Variants in DAGLB observed in about 807,000 individuals in gnomAD.
The protein encoded by DAGLB is diacylglycerol lipase-beta.
In DAGLB, 66 loss-of-function variants were observed where a neutral mutation model predicts 72.1. The ratio of observed to expected loss-of-function variants is 0.92; its 90% CI spans 0.75 to 1.12. The LOEUF (loss-of-function observed/expected upper bound fraction) is 1.12, where lower values mean the gene tolerates loss of function less well. Ranked by LOEUF, DAGLB falls within the 50% of genes most tolerant of loss-of-function variation. The pLI is 0.00. For synonymous variants in DAGLB, 414 were observed against 359.5 expected (o/e 1.15, Z -1.71); for missense variants, 1,065 against 884.9 (o/e 1.20, Z -2.58).
intron 2 of DAGLB, among the ~76,000 whole-genome samples, chr7:6,439,231 G>T (rs1784753094): frequency 6.6e-6 from 1 of 151,420 alleles, no homozygotes; most frequent in Admixed American, 6.6e-5. Context: ...CTCCAGCCTG[G>T]GCGACAGAGT....
Position 6,409,579 on chromosome 7 carries a change from T to C in DAGLB, c.*258A>G. 1 of 535,884 alleles carries C rather than the reference T, an allele frequency of 1.9e-6. No individual in the cohort carries two copies. The highest frequency in any genetic ancestry group is 3.4e-6 in the Non-Finnish European group (1 of 298,496). 33.2% of individuals were successfully genotyped at this position (535,884 alleles called of 1,614,324 possible). On this transcript the variant is annotated 3_prime_UTR_variant, in exon 15 of 15. Coordinates refer to ENST00000297056, the MANE Select transcript of DAGLB (RefSeq NM_139179.4). ...AAGGGATCCATCCACGGGCCAGGGC[T>C]TCCCGAGGCTGTCTCCACGGTCGCT...
At chr7:6,438,313 C>CATGTTT (rs1264448299) in intron 2 of DAGLB, among the ~76,000 whole-genome samples, 1 of 151,998 alleles carries the variant, frequency 6.6e-6, no homozygotes, top group Non-Finnish European at 1.5e-5. Context: ...AACAAACCTG[C>CATGTTT]ATGTTGTGCA....
At chr7:6,445,916 A>G (rs766101044) in intron 2 of DAGLB, 37 bp downstream of exon 2, 4 of 1,551,678 alleles carry the variant, frequency 2.6e-6, no homozygotes, top group African/African-American at 2.8e-5. Flanking sequence ...TAAAGCTATA[A>G]AAAAATAGGT....
intron 9 of DAGLB, among the ~76,000 whole-genome samples, chr7:6,420,752 C>G (rs1011374172): frequency 5.9e-5 from 9 of 152,178 alleles, no homozygotes; most frequent in Non-Finnish European, 1.2e-4. Context: ...GCCCCCAAAA[C>G]TAGAAACCCC....
In DAGLB at chr7:6,434,745, A is replaced by G; in HGVS notation, c.678+17T>C. ...TGAAACAGAAGAAACAGACCAAACC[A>G]GATCCCCTCGGCTTACTGAAAAGTA... On this transcript the variant is annotated intron_variant, in intron 4 of 14. Coordinates refer to ENST00000297056, the MANE Select transcript of DAGLB (RefSeq NM_139179.4). The G allele has an allele frequency of 6.2e-7, 1 of 1,613,802 alleles. No individual in the cohort carries two copies. Among genetic ancestry groups the G allele is most frequent in the South Asian group, 1.1e-5 (1 of 91,080 alleles).
intron 8 of DAGLB, chr7:6,422,477 A>G (rs1784160486): frequency 6.2e-6 from 1 of 161,992 alleles, no homozygotes; most frequent in Admixed American, 5.9e-5. Flanking sequence ...CGGAGTGGGC[A>G]TGGGGGAGGC....
chr7:6,420,468 C>G (rs1467361479), intron 9 of DAGLB, among the ~76,000 whole-genome samples: 4 of 151,752 alleles, frequency 2.6e-5, no homozygotes. Flanking sequence ...AAACAGGCCA[C>G]TGACAAAAGG....
chr7:6,421,895 G>A, intron 8 of DAGLB, 91 bp from the exon 9 acceptor site: 1 of 1,387,792 alleles, frequency 7.2e-7, no homozygotes, highest in South Asian at 1.2e-5. Context: ...CACTTCTGTG[G>A]AGGATGGCGG....
At chr7:6,412,147 C>A (rs1230592715) in intron 13 of DAGLB, among the ~76,000 whole-genome samples, 1 of 152,206 alleles carries the variant, frequency 6.6e-6, no homozygotes, top group Non-Finnish European at 1.5e-5. Context: ...TCTCCTGACT[C>A]AGGTGATCTG....
chr7:6,417,262 T>TA (rs59619113), intron 9 of DAGLB: 58,495 of 159,510 alleles, frequency 0.37, 13,435 homozygotes, highest in African/African-American at 0.67. Context: ...CTGACTCTAC[T>TA]AAAAAAAAAA....
At chr7:6,434,683 TG>T in intron 4 of DAGLB, 78 bp downstream of exon 4, 2 of 1,585,328 alleles carry the variant, frequency 1.3e-6, no homozygotes, top group Non-Finnish European at 1.7e-6. Context: ...CGCGGTTTTA[TG>T]GGAACAGAGG....
At position 6,430,136 on chromosome 7, in the gene DAGLB, C is replaced by T. The variant is rs1446654609; in HGVS notation, c.929+344G>A. On this transcript the variant is annotated intron_variant, in intron 6 of 14. Transcript: ENST00000297056. ...AGTAGCACCGCTTGAGCCTGGGAGA[C>T]GGAGGTTGTGGTGAGCTGAGATCAC... Among the ~76,000 whole-genome samples the T allele has an allele frequency of 6.6e-5, 10 of 151,030 alleles. 1 individual carries two copies. The East Asian group carries it at 1.2e-3, about 18-fold the overall frequency.
At chr7:6,435,507 C>T (rs915625031) in intron 3 of DAGLB, 15 of 160,310 alleles carry the variant, frequency 9.4e-5, no homozygotes, top group Non-Finnish European at 1.7e-4. Flanking sequence ...AAAAAAGTTC[C>T]TTATGAATCA....
intron 4 of DAGLB, among the ~76,000 whole-genome samples, chr7:6,433,864 A>G (rs1394087049): frequency 1.3e-5 from 2 of 152,126 alleles, no homozygotes; most frequent in Non-Finnish European, 2.9e-5. Flanking sequence ...AAAAAAAAAA[A>G]AAAAGACAAT....
Position 6,412,884 on chromosome 7 carries a change from C to T in DAGLB, c.1497-1G>A, listed in dbSNP as rs752828628. On this transcript the variant is annotated splice_acceptor_variant, in intron 12 of 14. Transcript: ENST00000297056. LOFTEE classifies it high-confidence loss of function. ...ATCTTCCAAGTTGGTCACACTGAGC[C>T]TGTTTAGCAAAGGGGCACACTGAGG... 2 of 1,610,134 alleles carry T rather than the reference C, an allele frequency of 1.2e-6. No homozygotes were observed. Among genetic ancestry groups the T allele is most frequent in the East Asian group, 2.2e-5 (1 of 44,834 alleles).
intron 11 of DAGLB, among the ~76,000 whole-genome samples, chr7:6,415,904 TG>T (rs1783895537): frequency 1.3e-5 from 2 of 151,664 alleles, no homozygotes; most frequent in Admixed American, 6.6e-5. Context: ...ATGTGCATTA[TG>T]CATGTGTCCC....
At chr7:6,410,710 T>A (rs992882627) in intron 13 of DAGLB, among the ~76,000 whole-genome samples, 17 of 152,108 alleles carry the variant, frequency 1.1e-4, no homozygotes, top group Admixed American at 1.3e-4. Flanking sequence ...GAAATCAGCT[T>A]TACCCTTCCT....
intron 2 of DAGLB, among the ~76,000 whole-genome samples, chr7:6,438,201 A>G (rs1209656192): frequency 7.0e-6 from 1 of 142,068 alleles, no homozygotes; most frequent in African/African-American, 2.5e-5. Context: ...CGGGGCCTGT[A>G]GTTGGGTGGG....
chr7:6,421,800 A>T lies in DAGLB; in HGVS notation c.1145T>A (p.Val382Asp). Reference sequence around the variant, plus strand: ...ACTCTCCGCTGACAGGTCCGTAAGGACATCCTGTAAAAAGGGCGTTGCAGA... The same window carrying T: ...ACTCTCCGCTGACAGGTCCGTAAGGTCATCCTGTAAAAAGGGCGTTGCAGA... ...AVRGTMSLQD[V>D]LTDLSAESEV... is the part of the protein sequence containing the mutation. Residue 382 changes from valine (V) to aspartate (D), a missense_variant, in exon 9 of 15, where the codon GTC becomes GAC. Coordinates refer to ENST00000297056, the MANE Select transcript of DAGLB (RefSeq NM_139179.4). 1 of 1,612,834 alleles carries T rather than the reference A, an allele frequency of 6.2e-7. No homozygotes were observed. Among genetic ancestry groups the T allele is most frequent in the African/African-American group, 1.3e-5 (1 of 75,014 alleles).
Sources: allele counts gnomAD v4.1 joint callset (sites outside exome capture counted in the v4.1 genomes callset), GRCh38; gene constraint gnomAD v4.1.1; transcripts MANE v1.5; gene names NCBI Gene and HGNC (gene_info 2026-07-23, HGNC 2026-07-21).